Variants in CAMK2D observed in about 807,000 individuals in gnomAD.
CAMK2D encodes the protein calcium/calmodulin-dependent protein kinase type II subunit delta.
Under a neutral mutation model 84.0 loss-of-function variants are expected in CAMK2D, and 37 were observed. The observed-to-expected ratio is 0.44, with a 90% confidence interval of 0.34 to 0.58. The LOEUF (loss-of-function observed/expected upper bound fraction) is 0.58, where lower values mean the gene tolerates loss of function less well. Ranked by LOEUF, CAMK2D falls within the 20% of genes least tolerant of loss-of-function variation. CAMK2D has a pLI of 0.02. For missense variants in CAMK2D, 448 were observed against 652.5 expected (o/e 0.69, Z 3.41); for synonymous variants, 202 against 212.5 (o/e 0.95, Z 0.43).
chr4:113,532,897 G>T (rs985917902), intron 7 of CAMK2D, among the ~76,000 whole-genome samples: 3 of 150,992 alleles, frequency 2.0e-5, no homozygotes, highest in Admixed American at 1.3e-4. Flanking sequence ...ACAGAGAGTG[G>T]CTCTAAGTTA....
chr4:113,686,851 G>A (rs551508472), intron 2 of CAMK2D, among the ~76,000 whole-genome samples: 1 of 136,872 alleles, frequency 7.3e-6, no homozygotes, highest in South Asian at 2.5e-4. Context: ...TTACAATACA[G>A]GTATGTGTAT....
intron 2 of CAMK2D, among the ~76,000 whole-genome samples, chr4:113,711,828 G>C (rs969487530): frequency 4.6e-4 from 70 of 152,108 alleles, no homozygotes; most frequent in African/African-American, 1.5e-3. Flanking sequence ...GAGTGATGAG[G>C]TTGTGTGATT....
intron 8 of CAMK2D, among the ~76,000 whole-genome samples, chr4:113,523,797 A>AAATG (rs1286924653): frequency 3.3e-5 from 5 of 150,834 alleles, no homozygotes; most frequent in East Asian, 2.0e-4. Context: ...ATAAATAAAT[A>AAATG]AACAAACAAA....
intron 2 of CAMK2D, 109 bp from the exon 3 acceptor site, chr4:113,661,881 T>C: frequency 1.7e-6 from 1 of 594,638 alleles, no homozygotes; most frequent in Non-Finnish European, 3.1e-6. Context: ...TATCCTTTGA[T>C]TTCATTTTGA....
chr4:113,599,891 A>AGAG (rs1301446328), intron 4 of CAMK2D, among the ~76,000 whole-genome samples: 7 of 152,078 alleles, frequency 4.6e-5, no homozygotes, highest in Admixed American at 3.9e-4. Flanking sequence ...AGGAGGAGGA[A>AGAG]GAGGAGGAGG....
intron 16 of CAMK2D, among the ~76,000 whole-genome samples, chr4:113,492,600 G>GA (rs2097859528): frequency 6.6e-6 from 1 of 151,616 alleles, no homozygotes; most frequent in South Asian, 2.1e-4. Context: ...GTGTGGTGCT[G>GA]AAAAAAATGT....
chr4:113,595,440 T>TTGTGTGTG (rs71582188), intron 4 of CAMK2D, among the ~76,000 whole-genome samples: 19 of 143,476 alleles, frequency 1.3e-4, no homozygotes, highest in African/African-American at 4.7e-4. Context: ...TTATGTATGC[T>TTGTGTGTG]TGTGTGTGTG....
chr4:113,559,260 G>A (rs1303769493), intron 4 of CAMK2D, among the ~76,000 whole-genome samples: 1 of 152,150 alleles, frequency 6.6e-6, no homozygotes, highest in Non-Finnish European at 1.5e-5. Flanking sequence ...TTGGAATTCG[G>A]TAAGCCTATC....
chr4:113,665,366 T>C (rs1238001898), intron 2 of CAMK2D, among the ~76,000 whole-genome samples: 2 of 152,152 alleles, frequency 1.3e-5, no homozygotes, highest in Non-Finnish European at 2.9e-5. Flanking sequence ...CAACCTGACT[T>C]TTAGAGAGAG....
chr4:113,625,894 A>G (rs2099065953), intron 3 of CAMK2D, among the ~76,000 whole-genome samples: 1 of 151,990 alleles, frequency 6.6e-6, no homozygotes, highest in Non-Finnish European at 1.5e-5. Flanking sequence ...AGGTGATGTA[A>G]TCCCAGCCAC....
chr4:113,555,889 C>G (rs1401733561), intron 4 of CAMK2D, among the ~76,000 whole-genome samples: 1 of 151,960 alleles, frequency 6.6e-6, no homozygotes, highest in South Asian at 2.1e-4. Flanking sequence ...CATTTGGGGT[C>G]GTTACCAAAG....
intron 14 of CAMK2D, 30 bp downstream of exon 14, chr4:113,504,946 T>A: frequency 7.4e-7 from 1 of 1,350,134 alleles, no homozygotes; most frequent in East Asian, 2.6e-5. Context: ...GTAAAGAACT[T>A]AAGAAGGGTT....
chr4:113,552,211 A>G, intron 4 of CAMK2D, 115 bp from the exon 5 acceptor site: 2 of 564,972 alleles, frequency 3.5e-6, no homozygotes, highest in South Asian at 2.7e-5. Context: ...AAAAAAATCA[A>G]AACTTTTTAA....
intron 16 of CAMK2D, among the ~76,000 whole-genome samples, chr4:113,487,017 A>C (rs2097772318): frequency 1.3e-5 from 2 of 152,248 alleles, no homozygotes; most frequent in Non-Finnish European, 2.9e-5. Context: ...GTTGCACTAA[A>C]TTGAAAAGTG....
At chr4:113,583,608 T>A (rs2098820689) in intron 4 of CAMK2D, among the ~76,000 whole-genome samples, 1 of 152,174 alleles carries the variant, frequency 6.6e-6, no homozygotes. Context: ...CTAGTAATGC[T>A]GCCAGCAGGA....
At chr4:113,596,224 G>A (rs2098925672) in intron 4 of CAMK2D, among the ~76,000 whole-genome samples, 1 of 152,140 alleles carries the variant, frequency 6.6e-6, no homozygotes. Flanking sequence ...AGTCACATCT[G>A]CAGATTACAC....
intron 7 of CAMK2D, among the ~76,000 whole-genome samples, chr4:113,534,883 G>A (rs1002184616): frequency 3.9e-5 from 6 of 152,122 alleles, no homozygotes; most frequent in African/African-American, 1.4e-4. Context: ...AAGAATCAGA[G>A]CCAAGATATA....
At chr4:113,702,617 T>C (rs1053410761) in intron 2 of CAMK2D, among the ~76,000 whole-genome samples, 1 of 152,290 alleles carries the variant, frequency 6.6e-6, no homozygotes, top group Middle Eastern at 3.4e-3. Flanking sequence ...GGAATTAATA[T>C]GAAAATATTG....
chr4:113,670,445 CTTTAT>C (rs138062641), intron 2 of CAMK2D, among the ~76,000 whole-genome samples: 27,282 of 151,772 alleles, frequency 0.18, 2,884 homozygotes, highest in South Asian at 0.32. Flanking sequence ...TTGTCTATAT[CTTTAT>C]TTTAATTGTA....
Sources: gnomAD v4.1 joint callset for allele counts (sites outside exome capture counted in the v4.1 genomes callset) on GRCh38, gnomAD v4.1.1 for gene constraint, MANE v1.5 for transcripts, NCBI Gene and HGNC (gene_info 2026-07-23, HGNC 2026-07-21) for gene names.